Variants in URB1 observed in about 807,000 individuals in gnomAD.
URB1 encodes URB1 ribosome biogenesis factor.
A neutral mutation model predicts 242.3 loss-of-function variants in URB1; 197 were observed. The ratio of observed to expected loss-of-function variants is 0.81; its 90% confidence interval spans 0.72 to 0.91. The LOEUF is 0.91. Among genes scored for constraint, URB1 ranks in the 40% least tolerant of loss-of-function variants. URB1 has a pLI of 0.00. For synonymous variants in URB1, 1,153 were observed against 1,201.8 expected, an observed-to-expected ratio of 0.96 and a Z score of 0.84; for missense variants, 2,721 against 2,860.5, an observed-to-expected ratio of 0.95 and a Z score of 1.11.
rs775788076 is a variant in URB1 at position 32,362,038 on chromosome 21, A to C, written c.1510-17T>G. ...TGGCAAAATCTAAATGGGAAAAAGAAGCAGAACATTAGTTGTAGTCAACCA... is the reference window on the plus strand; with the variant it reads ...TGGCAAAATCTAAATGGGAAAAAGACGCAGAACATTAGTTGTAGTCAACCA... On this transcript the variant is annotated splice_polypyrimidine_tract_variant and intron_variant, in intron 11 of 38. Transcript: ENST00000382751. 2.6e-6 allele frequency: 4 copies of C among 1,550,774 alleles called. No individual in the cohort carries two copies. In the African/African-American group the frequency reaches 5.5e-5, roughly 21 times the overall value.
Position 32,315,031 on chromosome 21 carries a change from G to A in URB1, c.6703C>T (p.Leu2235Phe), listed in dbSNP as rs758854823. 1.3e-6 allele frequency: 2 copies of A among 1,551,304 alleles called. No homozygotes were observed. The highest frequency in any genetic ancestry group is 2.7e-5 in the African/African-American group (2 of 73,034). Residue 2235 changes from leucine to phenylalanine, a missense_variant, in exon 39 of 39, where the codon CTC becomes TTC. Coordinates refer to ENST00000382751, the MANE Select transcript of URB1 (RefSeq NM_014825.3). ...CACACCATCCGGACGTGGGTTAAGA[G>A]GGTGTCCGGCCGCTGAGCCCCCAGC... ...IWLGAQRPDT[L>F]LTHVRMVCEA... is the part of the protein sequence containing the mutation.
intron 15 of URB1, among the ~76,000 whole-genome samples, 165 bp downstream of exon 15, chr21:32,357,372 C>T (rs961292272): frequency 8.0e-5 from 12 of 150,456 alleles, no homozygotes; most frequent in African/African-American, 2.9e-4. Context: ...AGGAATGTAG[C>T]TAAGTGTAAG....
chr21:32,318,713 A>G (rs1274231813), intron 36 of URB1, among the ~76,000 whole-genome samples: 1 of 152,212 alleles, frequency 6.6e-6, no homozygotes, highest in Non-Finnish European at 1.5e-5. Context: ...AGCTCTTCTG[A>G]GGAAACCAAA....
chr21:32,341,407 C>T (rs2033027547), intron 25 of URB1, 59 bp downstream of exon 25: 6 of 1,497,682 alleles, frequency 4.0e-6, no homozygotes, highest in Non-Finnish European at 4.5e-6. Context: ...AGAGGCTTTG[C>T]ATGCTGAACG....
intron 19 of URB1, among the ~76,000 whole-genome samples, chr21:32,352,025 C>T (rs1009764798): frequency 3.9e-5 from 6 of 152,138 alleles, no homozygotes; most frequent in Admixed American, 1.3e-4. Context: ...GTACAGGACC[C>T]GGTATGCCTC....
At chr21:32,357,919 C>G (rs1330985170) in intron 14 of URB1, among the ~76,000 whole-genome samples, 1 of 152,164 alleles carries the variant, frequency 6.6e-6, no homozygotes, top group Non-Finnish European at 1.5e-5. Flanking sequence ...GTCCCAGCTA[C>G]TTGGGAGGCT....
rs940646903 is a variant in URB1, at chr21:32,316,415, G to A, written c.6634+51C>T. On this transcript the variant is annotated intron_variant, in intron 38 of 38. Transcript: ENST00000382751. ...GCACAGAAATCACTCCTGCCCCCAGGCCCACTTCTGCATCTATTTCTTCAG... is the reference window on the plus strand; with the variant it reads ...GCACAGAAATCACTCCTGCCCCCAGACCCACTTCTGCATCTATTTCTTCAG... 7.3e-5 allele frequency: 107 copies of A among 1,458,746 alleles called. 1 individual carries two copies. Among genetic ancestry groups the A allele is most frequent in the Middle Eastern group, 3.6e-4 (2 of 5,552 alleles). 90.4% of individuals were successfully genotyped at this position (1,458,746 alleles called of 1,614,324 possible).
At position 32,384,259 on chromosome 21, in the gene URB1, A is replaced by AT; in HGVS notation, c.434+53dup. The AT allele has an allele frequency of 2.0e-6, 3 of 1,527,438 alleles. No individual in the cohort carries two copies. In the South Asian group the frequency reaches 3.6e-5, roughly 19 times the overall value. 94.6% of individuals were successfully genotyped at this position (1,527,438 alleles called of 1,614,324 possible). ...ACCAAATGCACCTGCGGAGAGCTGA[A>AT]TGCAGACCAAACCCAAAGGCCCATC... On this transcript the variant is annotated intron_variant, in intron 3 of 38. Coordinates refer to ENST00000382751, the MANE Select transcript of URB1 (RefSeq NM_014825.3).
chr21:32,331,778 G>A (rs1568812182), intron 30 of URB1, among the ~76,000 whole-genome samples: 1 of 152,258 alleles, frequency 6.6e-6, no homozygotes, highest in African/African-American at 2.4e-5. Flanking sequence ...CAAAGGTGGA[G>A]CCTAGACTCC....
chr21:32,381,702 T>C (rs1201095784), intron 4 of URB1, among the ~76,000 whole-genome samples: 1 of 152,216 alleles, frequency 6.6e-6, no homozygotes, highest in Admixed American at 6.5e-5. Context: ...AATGGCACTG[T>C]GGTTTCTGTT....
Position 32,349,473 on chromosome 21 carries a change from C to T in URB1, c.2843G>A (p.Ser948Asn). ...TVENFGQLGR[S>N]VGPPLLQLFL... ...GAGCTGCAGGAGGGGCGGGCCCACACTTCTGCCCAGCTGTGAGGACAAGAG... is the reference window on the plus strand; with the variant it reads ...GAGCTGCAGGAGGGGCGGGCCCACATTTCTGCCCAGCTGTGAGGACAAGAG... Residue 948 changes from serine to asparagine, a missense_variant, in exon 21 of 39, where the codon AGT (serine) becomes AAT (asparagine). Physicochemically the swap from Ser to Asn is conservative, Grantham distance 46. Transcript: ENST00000382751. 1 of 1,548,320 alleles carries T rather than the reference C, an allele frequency of 6.5e-7. No homozygotes were observed. Among genetic ancestry groups the T allele is most frequent in the South Asian group, 1.2e-5 (1 of 83,644 alleles).
chr21:32,345,404 C>G lies in URB1; in HGVS notation c.4040G>C (p.Ser1347Thr), dbSNP rs910084997. 1.3e-6 allele frequency: 2 copies of G among 1,551,238 alleles called. No individual in the cohort carries two copies. The highest frequency in any genetic ancestry group is 2.7e-5 in the African/African-American group (2 of 72,926). ...DLSVLMDRLP[S>T]LLHTPSSHKR... ...GTGACTGCTTGGGGTGTGAAGCAAG[C>G]TGGGCAGGCGGTCCATGAGTACACT... Residue 1347 changes from serine to threonine, a missense_variant, in exon 23 of 39, where the codon AGC becomes ACC. Physicochemically the swap from Ser to Thr is moderately conservative, Grantham distance 58. Transcript: ENST00000382751.
At chr21:32,318,001 C>G (rs2032715049) in intron 36 of URB1, 84 bp from the exon 37 acceptor site, 2 of 1,505,256 alleles carry the variant, frequency 1.3e-6, no homozygotes, top group South Asian at 1.3e-5. Flanking sequence ...GACGACATCA[C>G]ACACCCAGAG....
chr21:32,338,754 GT>G lies in URB1; in HGVS notation c.4462del (p.Thr1488LeufsTer3), dbSNP rs1437329252. ...CTCCTCTCCGTCAGACGTCAGTAGA[GT>G]CGGCAGAAACAGCGAGTGCTGCATG... ...MLMQHSLFLP[T>X]LLTSDGEESP... On this transcript the variant is annotated frameshift_variant, in exon 26 of 39. Transcript: ENST00000382751. LOFTEE classifies it high-confidence loss of function. The G allele has an allele frequency of 1.9e-6, 3 of 1,551,580 alleles. No homozygotes were observed. The African/African-American group carries it at 4.1e-5, about 21-fold the overall frequency.
intron 1 of URB1, among the ~76,000 whole-genome samples, chr21:32,392,004 A>G (rs142756981): frequency 0.014 from 2,102 of 151,510 alleles, 41 homozygotes; most frequent in African/African-American, 0.049. Flanking sequence ...AGCCTGGGCA[A>G]CAGAGCAAGA....
intron 6 of URB1, among the ~76,000 whole-genome samples, chr21:32,374,204 T>C (rs1226244355): frequency 6.6e-6 from 1 of 152,214 alleles, no homozygotes; most frequent in African/African-American, 2.4e-5. Flanking sequence ...ATTAGTTGTT[T>C]CTAAATTCTG....
At chr21:32,389,444 G>C (rs2033615979) in intron 1 of URB1, among the ~76,000 whole-genome samples, 2 of 152,206 alleles carry the variant, frequency 1.3e-5, no homozygotes, top group Non-Finnish European at 2.9e-5. Flanking sequence ...GCTGCACACA[G>C]CACGGGCTGC....
rs776436752 is a variant in URB1, at chr21:32,324,578, G to A, written c.5146C>T (p.Arg1716Trp). 28 of 1,551,532 alleles carry A rather than the reference G, an allele frequency of 1.8e-5. No individual in the cohort carries two copies. In the Admixed American group the frequency reaches 2.0e-4, roughly 11 times the overall value. The change falls in exon 32 of 39, where the codon CGG (arginine) becomes TGG (tryptophan). Residue 1716 changes from arginine (R) to tryptophan (W), a missense_variant. Coordinates refer to ENST00000382751, the MANE Select transcript of URB1 (RefSeq NM_014825.3). Reference sequence around the variant, plus strand: ...ATGTCCTGAGTTCGAATCCCATTCCGGACTACATCCAACAGGTAAAGTAGC... The same window carrying A: ...ATGTCCTGAGTTCGAATCCCATTCCAGACTACATCCAACAGGTAAAGTAGC... ...SQLLYLLDVVRNGIRTQDMRL... is the reference protein window; with the variant it reads ...SQLLYLLDVVWNGIRTQDMRL...
At chr21:32,377,728 G>GT (rs1400317968) in intron 5 of URB1, among the ~76,000 whole-genome samples, 4 of 152,208 alleles carry the variant, frequency 2.6e-5, no homozygotes, top group African/African-American at 7.2e-5. Context: ...TCCTGGGAGG[G>GT]AGAAGAAGGG....
Sources: allele counts gnomAD v4.1 joint callset (sites outside exome capture counted in the v4.1 genomes callset), GRCh38; gene constraint gnomAD v4.1.1; transcripts MANE v1.5; gene names NCBI Gene and HGNC (gene_info 2026-07-23, HGNC 2026-07-21).